Variants in B3GALT1 observed in about 807,000 individuals in gnomAD.
B3GALT1 encodes UDP-Gal:betaGlcNAc beta 1,3-galactosyltransferase, polypeptide 1.
In B3GALT1, 10 loss-of-function variants were observed where a neutral mutation model predicts 23.2. That is an observed-to-expected ratio of 0.43 (90% CI 0.27 to 0.73). The LOEUF is 0.73. Ranked by LOEUF, B3GALT1 falls within the 30% of genes least tolerant of loss-of-function variation. The pLI, the probability that B3GALT1 is intolerant of heterozygous loss-of-function variation, is 0.21. For synonymous variants in B3GALT1, 156 were observed against 141.5 expected (o/e 1.10, Z -0.73); for missense variants, 299 against 405.4 (o/e 0.74, Z 2.25).
At chr2:167,311,500 A>G (rs1198927893) in intron 1 of B3GALT1, among the ~76,000 whole-genome samples, 1 of 151,976 alleles carries the variant, frequency 6.6e-6, no homozygotes, top group African/African-American at 2.4e-5. Context: ...AATTTTTTCG[A>G]AGTGAAAAGT....
At chr2:167,496,549 A>G (rs1699786034) in intron 2 of B3GALT1, among the ~76,000 whole-genome samples, 1 of 152,186 alleles carries the variant, frequency 6.6e-6, no homozygotes, top group African/African-American at 2.4e-5. Flanking sequence ...CAATTAGGGT[A>G]ATAGTCATTG....
chr2:167,843,666 T>C (rs549147182), intron 4 of B3GALT1, among the ~76,000 whole-genome samples: 40 of 152,216 alleles, frequency 2.6e-4, no homozygotes, highest in Non-Finnish European at 5.4e-4. Flanking sequence ...CCAGATCACA[T>C]ACTATTGTCA....
chr2:167,576,800 G>C (rs79209028), intron 2 of B3GALT1, among the ~76,000 whole-genome samples: 1,634 of 151,698 alleles, frequency 0.011, 28 homozygotes, highest in African/African-American at 0.037. Flanking sequence ...TTCACTATTA[G>C]GGAGAGAGGA....
At chr2:167,704,321 T>C (rs879777207) in intron 3 of B3GALT1, among the ~76,000 whole-genome samples, 4 of 152,132 alleles carry the variant, frequency 2.6e-5, no homozygotes, top group Admixed American at 2.6e-4. Flanking sequence ...TTAACAACTT[T>C]TTGTCATAAA....
chr2:167,824,448 T>C (rs1689172981), intron 4 of B3GALT1, among the ~76,000 whole-genome samples: 1 of 152,178 alleles, frequency 6.6e-6, no homozygotes, highest in Non-Finnish European at 1.5e-5. Context: ...GTAGTGGAGC[T>C]TGAGAGAAGT....
At chr2:167,794,342 A>G (rs1196087143) in intron 3 of B3GALT1, among the ~76,000 whole-genome samples, 1 of 152,244 alleles carries the variant, frequency 6.6e-6, no homozygotes, top group Non-Finnish European at 1.5e-5. Flanking sequence ...AGAGAAACAC[A>G]CAGTCTGGAA....
At chr2:167,403,305 G>C (rs777809628) in intron 1 of B3GALT1, among the ~76,000 whole-genome samples, 7 of 151,558 alleles carry the variant, frequency 4.6e-5, no homozygotes, top group Non-Finnish European at 1.0e-4. Context: ...AGTTTGCTGA[G>C]AATGATGATT....
chr2:167,692,600 C>T (rs1371359605), intron 3 of B3GALT1, among the ~76,000 whole-genome samples: 2 of 152,144 alleles, frequency 1.3e-5, no homozygotes, highest in African/African-American at 4.8e-5. Flanking sequence ...TTGATGCAAG[C>T]TTTGTAAGTG....
chr2:167,665,754 G>T (rs1686166754), intron 3 of B3GALT1, among the ~76,000 whole-genome samples: 1 of 152,198 alleles, frequency 6.6e-6, no homozygotes, highest in Non-Finnish European at 1.5e-5. Context: ...TTTGCGTAGA[G>T]GTGTTTGTAC....
At chr2:167,753,556 T>C (rs532398035) in intron 3 of B3GALT1, among the ~76,000 whole-genome samples, 2 of 152,292 alleles carry the variant, frequency 1.3e-5, no homozygotes, top group Admixed American at 1.3e-4. Flanking sequence ...TGAGAAGGCA[T>C]CCTGGGGAGA....
At chr2:167,631,159 A>G (rs1475417145) in intron 2 of B3GALT1, among the ~76,000 whole-genome samples, 1 of 151,884 alleles carries the variant, frequency 6.6e-6, no homozygotes, top group Non-Finnish European at 1.5e-5. Flanking sequence ...ATTATTAGCT[A>G]TTTAGCCAAA....
At chr2:167,695,049 C>T (rs1165534597) in intron 3 of B3GALT1, among the ~76,000 whole-genome samples, 1 of 152,140 alleles carries the variant, frequency 6.6e-6, no homozygotes, top group East Asian at 1.9e-4. Flanking sequence ...CCTTCTCTAC[C>T]TTATCACTCC....
chr2:167,665,786 A>G (rs2105477404), intron 3 of B3GALT1, among the ~76,000 whole-genome samples: 1 of 152,208 alleles, frequency 6.6e-6, no homozygotes, highest in African/African-American at 2.4e-5. Flanking sequence ...GGTAGTTTGT[A>G]TTTCCGTGGG....
At chr2:167,359,850 C>T (rs1432434341) in intron 1 of B3GALT1, among the ~76,000 whole-genome samples, 2 of 151,406 alleles carry the variant, frequency 1.3e-5, no homozygotes, top group Non-Finnish European at 2.9e-5. Flanking sequence ...CCTACCACAG[C>T]TGGAAACTAT....
chr2:167,295,023 A>G (rs990044304), intron 1 of B3GALT1, among the ~76,000 whole-genome samples: 1 of 152,196 alleles, frequency 6.6e-6, no homozygotes, highest in Non-Finnish European at 1.5e-5. Context: ...GCATTTTTCG[A>G]TAGTTATTTT....
intron 3 of B3GALT1, among the ~76,000 whole-genome samples, chr2:167,806,579 A>G (rs143974567): frequency 0.035 from 5,311 of 152,144 alleles, 147 homozygotes; most frequent in South Asian, 0.068. Context: ...AGATAATTGT[A>G]GTTTTTGTCG....
chr2:167,543,017 G>C (rs1389567775), intron 2 of B3GALT1, among the ~76,000 whole-genome samples: 1 of 152,000 alleles, frequency 6.6e-6, no homozygotes, highest in Non-Finnish European at 1.5e-5. Context: ...TTAATAATAA[G>C]AAATTAGAGG....
intron 3 of B3GALT1, among the ~76,000 whole-genome samples, chr2:167,745,129 T>G (rs1295260285): frequency 6.6e-6 from 1 of 152,170 alleles, no homozygotes. Context: ...TTCTATCAAC[T>G]GGTGTGGAAG....
chr2:167,660,554 A>G (rs1351421588), intron 3 of B3GALT1, among the ~76,000 whole-genome samples: 2 of 152,058 alleles, frequency 1.3e-5, no homozygotes, highest in Non-Finnish European at 2.9e-5. Context: ...CTTGCATACT[A>G]TTTCTAGAAT....
Sources: gnomAD v4.1 joint callset for allele counts (sites outside exome capture counted in the v4.1 genomes callset) on GRCh38, gnomAD v4.1.1 for gene constraint, MANE v1.5 for transcripts, NCBI Gene and HGNC (gene_info 2026-07-23, HGNC 2026-07-21) for gene names.